The following C8B variants were observed in gnomAD, a reference collection of about 807,000 sequenced individuals.
C8B encodes complement C8 beta chain, also known as complement component C8 beta chain.
A neutral mutation model predicts 64.6 loss-of-function variants in C8B; 67 were observed. The observed-to-expected ratio is 1.04, with a 90% confidence interval of 0.85 to 1.27. The LOEUF is 1.27. Ranked by LOEUF, C8B falls within the 50% of genes most tolerant of loss-of-function variation. The probability of loss-of-function intolerance (pLI) is 0.00; values close to 1 mark genes in which losing one functional copy is unlikely to be tolerated. For synonymous variants in C8B, 284 were observed against 257.7 expected, an observed-to-expected ratio of 1.10 and a Z score of -0.98; for missense variants, 790 against 725.2, an observed-to-expected ratio of 1.09 and a Z score of -1.03.
chr1:56,933,399 G>C lies in C8B; in HGVS notation c.1488C>G (p.Phe496Leu), dbSNP rs777795608. ...AGTGGCAGGAACTAACTTCCTTCTG[G>C]AACTCCTCCAGTGCCTGCTTCATGT... ...RQNMKQALEEFQKEVSSCHCA... is the reference protein window; with the variant it reads ...RQNMKQALEELQKEVSSCHCA... Residue 496 changes from phenylalanine (F) to leucine (L), a missense_variant, in exon 10 of 12, where the codon TTC becomes TTG. Phe to Leu is a conservative substitution (Grantham distance 22). Transcript: ENST00000371237. 6.2e-7 allele frequency: 1 copy of C among 1,613,600 alleles called. No individual in the cohort carries two copies. The highest frequency in any genetic ancestry group is 1.1e-5 in the South Asian group (1 of 91,070).
intron 3 of C8B, among the ~76,000 whole-genome samples, chr1:56,956,362 T>C (rs935262450): frequency 1.3e-5 from 2 of 152,168 alleles, no homozygotes; most frequent in South Asian, 4.1e-4. Flanking sequence ...GGAGCCAAAA[T>C]GCAGAAAGGT....
rs937354891 is a variant in C8B, at chr1:56,931,828, C to T, written c.1603G>A (p.Glu535Lys). The T allele has an allele frequency of 1.9e-6, 3 of 1,611,604 alleles. No individual in the cohort carries two copies. The African/African-American group carries it at 4.0e-5, about 22-fold the overall frequency. The change falls in exon 11 of 12, where the codon GAG becomes AAG. Residue 535 changes from glutamate (E) to lysine (K), a missense_variant. Physicochemically the swap from Glu to Lys is moderately conservative, Grantham distance 56. Transcript: ENST00000371237. ...CPVGSQGLAC[E>K]VSYRKNTPID... ...AACTTACTCTTCCGATAGGAGACCT[C>T]ACAGGCTAGGCCTTGGGATCCAACA...
At chr1:56,946,722 A>C (rs1644948072) in intron 6 of C8B, among the ~76,000 whole-genome samples, 1 of 152,208 alleles carries the variant, frequency 6.6e-6, no homozygotes, top group South Asian at 2.1e-4. Context: ...TATGGAATAG[A>C]CTGAAAGCTG....
chr1:56,961,402 T>A (rs1401567172), intron 1 of C8B, among the ~76,000 whole-genome samples: 2 of 152,076 alleles, frequency 1.3e-5, no homozygotes, highest in African/African-American at 4.8e-5. Context: ...AAGACAGCTG[T>A]GGAGCACTGC....
intron 11 of C8B, among the ~76,000 whole-genome samples, chr1:56,931,005 A>G (rs1644693340): frequency 1.3e-5 from 2 of 152,168 alleles, no homozygotes. Flanking sequence ...AATGATGGAG[A>G]TGGAATTTCA....
At chr1:56,933,314 C>T in intron 10 of C8B, 21 bp downstream of exon 10, 2 of 1,610,084 alleles carry the variant, frequency 1.2e-6, no homozygotes, top group Non-Finnish European at 1.7e-6. Flanking sequence ...ACCAGGGACA[C>T]CAGCTGCCTG....
At chr1:56,946,144 C>T (rs139132919) in intron 6 of C8B, 83 bp from the exon 7 acceptor site, 31 of 1,535,736 alleles carry the variant, frequency 2.0e-5, no homozygotes, top group Middle Eastern at 1.7e-4. Context: ...AAATACCATC[C>T]GATGTTCTTG....
At chr1:56,960,312 C>G (rs1311865616) in intron 1 of C8B, 136 bp from the exon 2 acceptor site, 2 of 756,790 alleles carry the variant, frequency 2.6e-6, no homozygotes, top group Admixed American at 2.1e-5. Context: ...CCAGGATAAC[C>G]TATCCTGGAA....
At chr1:56,933,625 C>T (rs1644734343) in intron 9 of C8B, 137 bp from the exon 10 acceptor site, 1 of 753,010 alleles carries the variant, frequency 1.3e-6, no homozygotes, top group Admixed American at 2.0e-5. Flanking sequence ...GATGGATCTC[C>T]CATCTTCTCT....
Position 56,929,288 on chromosome 1 carries a change from G to A in C8B, c.*116C>T. 9.9e-7 allele frequency: 1 copy of A among 1,012,808 alleles called. No individual in the cohort carries two copies. Among genetic ancestry groups the A allele is most frequent in the Non-Finnish European group, 1.6e-6 (1 of 634,738 alleles). 62.7% of individuals were successfully genotyped at this position (1,012,808 alleles called of 1,614,324 possible). On this transcript the variant is annotated 3_prime_UTR_variant, in exon 12 of 12. Transcript: ENST00000371237. ...ATCTTTATTTTAAACAGCTTGCATG[G>A]CACTGCCTTTTGCCCTTGCATGAAC...
chr1:56,937,674 ATTT>A (rs372649227), intron 9 of C8B, among the ~76,000 whole-genome samples: 3 of 152,174 alleles, frequency 2.0e-5, no homozygotes, highest in African/African-American at 7.2e-5. Flanking sequence ...AAAACAAATA[ATTT>A]TTTTTAGTTT....
intron 4 of C8B, 50 bp from the exon 5 acceptor site, chr1:56,952,230 T>C (rs1374124712): frequency 1.9e-6 from 3 of 1,610,886 alleles, no homozygotes; most frequent in Non-Finnish European, 2.5e-6. Context: ...TGCGGTTGCT[T>C]AATCTTGACT....
chr1:56,949,125 A>T (rs1557736525), intron 6 of C8B, among the ~76,000 whole-genome samples: 1 of 152,068 alleles, frequency 6.6e-6, no homozygotes, highest in Non-Finnish European at 1.5e-5. Flanking sequence ...TCCATATGCT[A>T]TATCTGGAAT....
intron 9 of C8B, among the ~76,000 whole-genome samples, chr1:56,935,610 A>G (rs1004127419): frequency 2.0e-5 from 3 of 152,252 alleles, no homozygotes; most frequent in Non-Finnish European, 4.4e-5. Flanking sequence ...CATAGCTAGC[A>G]TTTATTAGGT....
At position 56,933,477 on chromosome 1, in the gene C8B, C is replaced by T. The variant is rs2101357820; in HGVS notation, c.1410G>A (p.Leu470=). 1.9e-6 allele frequency: 3 copies of T among 1,613,782 alleles called. No homozygotes were observed. Among genetic ancestry groups the T allele is most frequent in the South Asian group, 2.2e-5 (2 of 91,072 alleles). The change falls in exon 10 of 12, where the codon CTG becomes CTA. Residue 470 remains leucine (L), a synonymous_variant. Coordinates refer to ENST00000371237, the MANE Select transcript of C8B (RefSeq NM_000066.4). ...PAIIKVKVEP[L]YELVTATDFA... ...AATCTGTGGCTGTCACTAGTTCATA[C>T]AGAGGCTCCACCTGGAAAGGGAAAA...
chr1:56,959,942 G>C (rs1645153335), intron 2 of C8B, 78 bp downstream of exon 2: 3 of 1,520,262 alleles, frequency 2.0e-6, no homozygotes, highest in Non-Finnish European at 2.7e-6. Context: ...GCCAGGCACT[G>C]TTAGCAATGG....
intron 9 of C8B, among the ~76,000 whole-genome samples, chr1:56,936,576 G>GT (rs1176447713): frequency 1.4e-5 from 2 of 142,932 alleles, no homozygotes; most frequent in Non-Finnish European, 3.0e-5. Context: ...GGTTTTCTTG[G>GT]TTTTTTCTTT....
intron 6 of C8B, among the ~76,000 whole-genome samples, chr1:56,948,637 A>T (rs1644977822): frequency 6.6e-6 from 1 of 152,100 alleles, no homozygotes; most frequent in Non-Finnish European, 1.5e-5. Context: ...CCCAGGGGAG[A>T]TTGGAGAGTA....
intron 1 of C8B, among the ~76,000 whole-genome samples, chr1:56,960,824 A>C (rs1645169127): frequency 6.6e-6 from 1 of 151,952 alleles, no homozygotes; most frequent in South Asian, 2.1e-4. Flanking sequence ...ACACAGCAGA[A>C]AATAAATCTT....
Sources: gnomAD v4.1 joint callset for allele counts (sites outside exome capture counted in the v4.1 genomes callset) on GRCh38, gnomAD v4.1.1 for gene constraint, MANE v1.5 for transcripts, NCBI Gene and HGNC (gene_info 2026-07-23, HGNC 2026-07-21) for gene names.